Variants in CNTN5 observed in about 807,000 individuals in gnomAD.
CNTN5 encodes contactin-5.
CNTN5 carries 77 observed loss-of-function variants against 129.1 expected under a neutral mutation model. That is an observed-to-expected ratio of 0.60 (90% CI 0.50 to 0.72). The LOEUF is 0.72. Ranked by LOEUF, CNTN5 falls within the 30% of genes least tolerant of loss-of-function variation. CNTN5 has a pLI of 0.00. For synonymous variants in CNTN5, 509 were observed against 465.6 expected, an observed-to-expected ratio of 1.09 and a Z score of -1.20; for missense variants, 1,478 against 1,328.8, an observed-to-expected ratio of 1.11 and a Z score of -1.75.
chr11:99,992,463 T>C (rs1162273390), intron 8 of CNTN5, among the ~76,000 whole-genome samples: 2 of 152,156 alleles, frequency 1.3e-5, no homozygotes, highest in Admixed American at 1.3e-4. Flanking sequence ...TATACTCTAA[T>C]CCTCAGAAGG....
At position 99,863,978 on chromosome 11, in the gene CNTN5, A is replaced by G. The variant is rs369776224; in HGVS notation, c.577+18716A>G. On this transcript the variant is annotated intron_variant, in intron 6 of 24. Transcript: ENST00000524871. ...TTATCCGTAATTGAGGAATGAAAGT[A>G]ATATTTATGTCATAAGAAATATATG... 1.5e-4 allele frequency among the ~76,000 whole-genome samples: 23 copies of G among 152,288 alleles called. No individual in the cohort carries two copies. The East Asian group carries it at 3.9e-3, about 26-fold the overall frequency.
chr11:99,253,726 A>G (rs372681136), intron 1 of CNTN5, among the ~76,000 whole-genome samples: 19 of 151,698 alleles, frequency 1.3e-4, no homozygotes, highest in East Asian at 1.2e-3. Context: ...TTATACATAT[A>G]ATGGGTATTT....
intron 24 of CNTN5, among the ~76,000 whole-genome samples, chr11:100,352,030 G>C (rs1422417539): frequency 6.6e-6 from 1 of 151,592 alleles, no homozygotes; most frequent in East Asian, 1.9e-4. Context: ...AACTTTTTAA[G>C]TTCAGGGGTA....
intron 13 of CNTN5, among the ~76,000 whole-genome samples, chr11:100,084,225 C>CA: frequency 6.6e-6 from 1 of 152,040 alleles, no homozygotes; most frequent in Non-Finnish European, 1.5e-5. Flanking sequence ...TTTTCTTTTC[C>CA]AAAAGCCCCC....
chr11:99,721,021 C>T (rs1943154079), intron 3 of CNTN5, among the ~76,000 whole-genome samples: 1 of 152,086 alleles, frequency 6.6e-6, no homozygotes, highest in Non-Finnish European at 1.5e-5. Context: ...ATCCTATTTT[C>T]ATGGAAAGGA....
At chr11:99,775,670 G>A (rs925453331) in intron 3 of CNTN5, among the ~76,000 whole-genome samples, 2 of 151,938 alleles carry the variant, frequency 1.3e-5, no homozygotes, top group Admixed American at 1.3e-4. Context: ...GATAATCTCT[G>A]TATCACATGC....
chr11:99,346,446 G>T (rs993568457), intron 2 of CNTN5, among the ~76,000 whole-genome samples: 3 of 152,298 alleles, frequency 2.0e-5, no homozygotes, highest in African/African-American at 7.2e-5. Context: ...GGTGGCCCTT[G>T]TGACAGGGAT....
chr11:100,350,814 A>G lies in CNTN5; in HGVS notation c.3143A>G (p.Tyr1048Cys). ...AGVYIIEVRA[Y>C]SEGGDGTASS... ...GTCTATATTATTGAAGTTCGAGCAT[A>G]TAGTGAAGGAGGAGATGGAACAGCT... Residue 1048 changes from tyrosine to cysteine, a missense_variant, in exon 24 of 25, where the codon TAT (tyrosine) becomes TGT (cysteine). Physicochemically the swap from Tyr to Cys is radical, Grantham distance 194. Transcript: ENST00000524871. 2 of 1,606,762 alleles carry G rather than the reference A, an allele frequency of 1.2e-6. No individual in the cohort carries two copies. Among genetic ancestry groups the G allele is most frequent in the Non-Finnish European group, 1.7e-6 (2 of 1,175,440 alleles).
chr11:99,747,554 C>T (rs1034595256), intron 3 of CNTN5, among the ~76,000 whole-genome samples: 1 of 149,450 alleles, frequency 6.7e-6, no homozygotes, highest in African/African-American at 2.5e-5. Context: ...CAAGCTCTGC[C>T]TCCCGGGTTT....
intron 3 of CNTN5, among the ~76,000 whole-genome samples, chr11:99,814,661 CT>C (rs1215824341): frequency 6.6e-6 from 1 of 151,974 alleles, no homozygotes. Context: ...GAACTTTAAC[CT>C]GGAAATGGAG....
intron 8 of CNTN5, among the ~76,000 whole-genome samples, chr11:99,959,002 C>G (rs1443936848): frequency 6.6e-6 from 1 of 152,094 alleles, no homozygotes; most frequent in Admixed American, 6.5e-5. Flanking sequence ...TGGTTCATGG[C>G]CCAGATATAT....
intron 2 of CNTN5, among the ~76,000 whole-genome samples, chr11:99,407,383 C>T (rs1942124002): frequency 6.6e-6 from 1 of 152,132 alleles, no homozygotes; most frequent in African/African-American, 2.4e-5. Flanking sequence ...GATGTCACAG[C>T]TCTGACTAGT....
chr11:100,281,790 A>G (rs931329153), intron 18 of CNTN5, among the ~76,000 whole-genome samples: 4 of 151,874 alleles, frequency 2.6e-5, no homozygotes. Context: ...TCTTTTGTCT[A>G]GTCTGACGTA....
intron 1 of CNTN5, among the ~76,000 whole-genome samples, chr11:99,042,916 ACATTTACATTTT>A (rs973552882): frequency 5.4e-5 from 8 of 148,576 alleles, no homozygotes; most frequent in Admixed American, 4.6e-4. Flanking sequence ...TCCTTCTCAT[ACATTTACATTTT>A]AATTTAAATT....
chr11:99,474,031 G>A (rs1945277047), intron 2 of CNTN5, among the ~76,000 whole-genome samples: 1 of 151,898 alleles, frequency 6.6e-6, no homozygotes, highest in African/African-American at 2.4e-5. Flanking sequence ...TGTTTACATG[G>A]TGAGTAGTAA....
intron 6 of CNTN5, among the ~76,000 whole-genome samples, chr11:99,915,279 A>G (rs11221890): frequency 0.18 from 26,715 of 152,060 alleles, 2,555 homozygotes; most frequent in African/African-American, 0.25. Context: ...AATAAGCAAT[A>G]ATAGAATTAC....
At position 99,249,017 on chromosome 11, in the gene CNTN5, C is replaced by T. The variant is rs143121359; in HGVS notation, c.-209-76329C>T. 5.0e-3 allele frequency among the ~76,000 whole-genome samples: 755 copies of T among 152,158 alleles called. 2 individuals are homozygous for T. Among genetic ancestry groups the T allele is most frequent in the Middle Eastern group, 6.8e-3 (2 of 294 alleles). On this transcript the variant is annotated intron_variant, in intron 1 of 24. Transcript: ENST00000524871. ...ATTCTGCGAAGAAAGTCATTTGTAG[C>T]TTGATGGGGATGGCATTGAGTCTAT...
At chr11:99,375,551 GT>G (rs1940130047) in intron 2 of CNTN5, among the ~76,000 whole-genome samples, 1 of 152,024 alleles carries the variant, frequency 6.6e-6, no homozygotes, top group South Asian at 2.1e-4. Context: ...TTAATCTATT[GT>G]TTTGCAACAA....
At chr11:99,703,021 A>G (rs1184024941) in intron 3 of CNTN5, among the ~76,000 whole-genome samples, 2 of 150,922 alleles carry the variant, frequency 1.3e-5, no homozygotes, top group African/African-American at 4.8e-5. Flanking sequence ...GAAGATGTAT[A>G]GGATGTTTTA....
Sources: gnomAD v4.1 joint callset for allele counts (sites outside exome capture counted in the v4.1 genomes callset) on GRCh38, gnomAD v4.1.1 for gene constraint, MANE v1.5 for transcripts, NCBI Gene and HGNC (gene_info 2026-07-23, HGNC 2026-07-21) for gene names.